The following RBM44 variants were observed in gnomAD, a reference collection of about 807,000 sequenced individuals.
The protein encoded by RBM44 is RNA binding motif protein 44, also known as RNA-binding protein 44.
RBM44 carries 66 observed loss-of-function variants against 105.1 expected under a neutral mutation model. That is an observed-to-expected ratio of 0.63 (90% confidence interval 0.52 to 0.77). The LOEUF (loss-of-function observed/expected upper bound fraction) is 0.77. Ranked by LOEUF, RBM44 falls within the 30% of genes least tolerant of loss-of-function variation. The pLI is 0.00. For missense variants in RBM44, 1,122 were observed against 1,207.8 expected, an observed-to-expected ratio of 0.93 and a Z score of 1.05; for synonymous variants, 365 against 417.6, an observed-to-expected ratio of 0.87 and a Z score of 1.54.
In RBM44 at chr2:237,820,894, T is replaced by G. The variant is rs551296011; in HGVS notation, c.1914-177T>G. 49 of 506,530 alleles carry G rather than the reference T, an allele frequency of 9.7e-5. No individual in the cohort carries two copies. The South Asian group carries it at 1.7e-3, about 17-fold the overall frequency. The allele number at this position is 506,530 out of a possible 1,614,324, so 31.4% of individuals were successfully genotyped here. A position where few individuals can be genotyped will look rare whatever the true frequency, so the allele number is the denominator to read the frequency against. On this transcript the variant is annotated intron_variant, in intron 5 of 15. Transcript: ENST00000316997. Reference sequence around the variant, plus strand: ...AGGACCCCCGTCTCTACAATACATTTTTTTACAAATTAGCTGGGCATTGTG... The same window carrying G: ...AGGACCCCCGTCTCTACAATACATTGTTTTACAAATTAGCTGGGCATTGTG...
chr2:237,804,578 A>G (rs1375782995), intron 1 of RBM44, among the ~76,000 whole-genome samples: 1 of 152,294 alleles, frequency 6.6e-6, no homozygotes, highest in Non-Finnish European at 1.5e-5. Flanking sequence ...TTAGCTGCTC[A>G]TGTTTTCTCT....
rs2062014055 is a variant in RBM44 at position 237,841,808 on chromosome 2, A to G, written c.*23-31A>G. 1 of 152,164 alleles carries G rather than the reference A, an allele frequency of 6.6e-6. No individual in the cohort carries two copies. The highest frequency in any genetic ancestry group is 1.5e-5 in the Non-Finnish European group (1 of 68,004). The allele number at this position is 152,164 out of a possible 1,614,324, so 9.4% of individuals were successfully genotyped here. On this transcript the variant is annotated intron_variant, in intron 15 of 15. Transcript: ENST00000316997. The surrounding 1 kb of genome is among the most constrained non-coding windows in gnomAD (Gnocchi z 4.5). ...ACTTAACAAAAGATACTCAACAATC[A>G]TTGTTGATTTCTCCTTTCTTTTGAT... is the stretch of plus-strand genomic sequence containing the variant.
chr2:237,817,647 C>G lies in RBM44; in HGVS notation c.728C>G (p.Ser243Cys), dbSNP rs749888357. Residue 243 changes from serine to cysteine, a missense_variant, in exon 3 of 16, where the codon TCT becomes TGT. Coordinates refer to ENST00000316997, the MANE Select transcript of RBM44 (RefSeq NM_001080504.3). The stretch of plus-strand genomic sequence containing the variant: ...AATCGTGTTAACTCGGGAAGTGGTT[C>G]TATCATCTCTTTCGATTCACTTGAT... ...EDNRVNSGSG[S>C]IISFDSLDVY... 6.2e-7 allele frequency: 1 copy of G among 1,612,868 alleles called. No homozygotes were observed. Among genetic ancestry groups the G allele is most frequent in the South Asian group, 1.1e-5 (1 of 91,024 alleles).
At chr2:237,808,789 C>CTT (rs1253119623) in intron 1 of RBM44, among the ~76,000 whole-genome samples, 1 of 152,146 alleles carries the variant, frequency 6.6e-6, no homozygotes, top group East Asian at 1.9e-4. Context: ...AGATCTACCT[C>CTT]TTTTGTTTTT....
In RBM44 at chr2:237,817,156, A is replaced by AT; in HGVS notation, c.244dup (p.Ser82PhefsTer7). 2 of 1,607,098 alleles carry AT rather than the reference A, an allele frequency of 1.2e-6. No homozygotes were observed. The highest frequency in any genetic ancestry group is 1.7e-6 in the Non-Finnish European group (2 of 1,177,472). ...TTGACAAAATGGATTTATTAGAGCC[A>AT]TTTTTTTCAGTGAGTCAAGATACTA... On this transcript the variant is annotated frameshift_variant, in exon 3 of 16. Transcript: ENST00000316997. LOFTEE classifies it high-confidence loss of function.
intron 12 of RBM44, 64 bp downstream of exon 12, chr2:237,827,567 AC>A: frequency 1.1e-6 from 1 of 920,512 alleles, no homozygotes; most frequent in Non-Finnish European, 1.7e-6. Flanking sequence ...AAGGTTCTAT[AC>A]CAGATATCAG....
rs112035718 is a variant in RBM44 at position 237,807,789 on chromosome 2, A to G, written c.-18-5803A>G. The stretch of plus-strand genomic sequence containing the variant: ...AAGTAAACCAGCCCTTCCTCAGACT[A>G]TACTTTTCTGGGTAGCCTAGAACAT... On this transcript the variant is annotated intron_variant, in intron 1 of 15. Coordinates refer to ENST00000316997, the MANE Select transcript of RBM44 (RefSeq NM_001080504.3). Among the ~76,000 whole-genome samples, 619 of 152,302 alleles carry G rather than the reference A, an allele frequency of 4.1e-3. 1 individual carries two copies. The highest frequency in any genetic ancestry group is 6.1e-3 in the Non-Finnish European group (418 of 68,024).
chr2:237,800,724 A>G (rs1576491913), intron 1 of RBM44, among the ~76,000 whole-genome samples: 1 of 148,812 alleles, frequency 6.7e-6, no homozygotes, highest in African/African-American at 2.5e-5. Flanking sequence ...GGGACTCTCA[A>G]TCCTTTTTTT....
chr2:237,812,050 C>T (rs1372263386), intron 1 of RBM44, among the ~76,000 whole-genome samples: 3 of 151,798 alleles, frequency 2.0e-5, no homozygotes, highest in African/African-American at 7.3e-5. Flanking sequence ...GAGACAAGGT[C>T]TCACCACGTT....
chr2:237,820,891 A>AT (rs201471545), intron 5 of RBM44, 180 bp from the exon 6 acceptor site: 4 of 505,410 alleles, frequency 7.9e-6, no homozygotes, highest in Non-Finnish European at 1.4e-5. Context: ...TCTACAATAC[A>AT]TTTTTTTACA....
In RBM44 at chr2:237,815,732, A is replaced by AG. The variant is rs199832927; in HGVS notation, c.74-1261_74-1260insG. Among the ~76,000 whole-genome samples the AG allele has an allele frequency of 3.1e-4, 47 of 152,192 alleles. No homozygotes were observed. In the East Asian group the frequency reaches 8.7e-3, roughly 28 times the overall value. Reference sequence around the variant, plus strand: ...CCGATTATGATCTTAGTAAAAAAAAATCTTTTGAAAACCACTGCTCTCTCT... The same window carrying AG: ...CCGATTATGATCTTAGTAAAAAAAAAGTCTTTTGAAAACCACTGCTCTCTCT... On this transcript the variant is annotated intron_variant, in intron 2 of 15. Coordinates refer to ENST00000316997, the MANE Select transcript of RBM44 (RefSeq NM_001080504.3).
rs1054340426 is a variant in RBM44 at position 237,819,095 on chromosome 2, G to A, written c.1736+136G>A. The A allele has an allele frequency of 9.0e-6, 4 of 442,908 alleles. No homozygotes were observed. In the Admixed American group the frequency reaches 1.2e-4, roughly 14 times the overall value. The allele number at this position is 442,908 out of a possible 1,614,324, so 27.4% of individuals were successfully genotyped here. A position where few individuals can be genotyped will look rare whatever the true frequency, so the allele number is the denominator to read the frequency against. Reference sequence around the variant, plus strand: ...AAGAAATCATCTGTTTCAACCGTTTGCATTCAAATAAATATTAAAACAATA... The same window carrying A: ...AAGAAATCATCTGTTTCAACCGTTTACATTCAAATAAATATTAAAACAATA... On this transcript the variant is annotated intron_variant, in intron 4 of 15. Transcript: ENST00000316997.
At chr2:237,824,165 C>A (rs2150983379) in intron 9 of RBM44, 126 bp from the exon 10 acceptor site, 1 of 726,392 alleles carries the variant, frequency 1.4e-6, no homozygotes, top group Non-Finnish European at 2.0e-6. Flanking sequence ...GCTAATATTT[C>A]TCTTTAGATT....
chr2:237,830,321 A>T (rs1194156705), intron 13 of RBM44, among the ~76,000 whole-genome samples: 1 of 151,990 alleles, frequency 6.6e-6, no homozygotes, highest in African/African-American at 2.4e-5. Flanking sequence ...TTATTATTGA[A>T]TTTTGATTTT....
chr2:237,823,036 C>T (rs896795137), intron 8 of RBM44, among the ~76,000 whole-genome samples: 3 of 151,478 alleles, frequency 2.0e-5, no homozygotes, highest in African/African-American at 7.3e-5. Flanking sequence ...TATTGCTTCT[C>T]GTAAATAAAA....
intron 12 of RBM44, 99 bp from the exon 13 acceptor site, chr2:237,829,118 C>A: frequency 2.5e-6 from 2 of 801,660 alleles, no homozygotes; most frequent in African/African-American, 1.7e-5. Context: ...AAAGCAGTTA[C>A]TCTTGTGAAA....
At position 237,834,100 on chromosome 2, in the gene RBM44, A is replaced by G; in HGVS notation, c.2990A>G (p.Lys997Arg). ...PNTLNLRSFT[K>R]IIKRLAELHP... Reference sequence around the variant, plus strand: ...ACATTGAACCTTCGTAGCTTTACCAAGATCATAAAGAGACTGGCTGAACTG... The same window carrying G: ...ACATTGAACCTTCGTAGCTTTACCAGGATCATAAAGAGACTGGCTGAACTG... The change falls in exon 14 of 16, where the codon AAG (lysine) becomes AGG (arginine). Residue 997 changes from lysine (K) to arginine (R), a missense_variant. Transcript: ENST00000316997. The G allele has an allele frequency of 6.3e-7, 1 of 1,581,686 alleles. No homozygotes were observed. The highest frequency in any genetic ancestry group is 8.6e-7 in the Non-Finnish European group (1 of 1,161,980).
intron 10 of RBM44, among the ~76,000 whole-genome samples, chr2:237,826,906 C>T (rs2061853174): frequency 6.6e-6 from 1 of 152,084 alleles, no homozygotes; most frequent in South Asian, 2.1e-4. Flanking sequence ...GGGACTTGAG[C>T]ATCCTTGGAG....
At chr2:237,812,891 G>A (rs1452562846) in intron 1 of RBM44, among the ~76,000 whole-genome samples, 2 of 152,158 alleles carry the variant, frequency 1.3e-5, no homozygotes, top group Non-Finnish European at 2.9e-5. Context: ...CGATTACCCT[G>A]AGTTGATTTT....
Sources: allele counts gnomAD v4.1 joint callset (sites outside exome capture counted in the v4.1 genomes callset), GRCh38; gene constraint gnomAD v4.1.1; non-coding constraint Gnocchi (gnomAD v3.1); transcripts MANE v1.5; gene names NCBI Gene and HGNC (gene_info 2026-07-23, HGNC 2026-07-21).